The following CHD7 variants were observed in gnomAD, a reference collection of about 807,000 sequenced individuals.
The protein encoded by CHD7 is chromodomain helicase DNA binding protein 7, also known as ATP-dependent chromatin remodeler CHD7.
CHD7 carries 24 observed loss-of-function variants against 307.3 expected under a neutral mutation model. That is an observed-to-expected ratio of 0.08 (90% CI 0.06 to 0.11). The LOEUF is 0.11. Ranked by LOEUF, CHD7 falls within the 10% of genes least tolerant of loss-of-function variation. CHD7 has a pLI of 1.00. For missense variants in CHD7, 3,106 were observed against 3,727.1 expected (o/e 0.83, Z 4.34); for synonymous variants, 1,363 against 1,349.9 (o/e 1.01, Z -0.21).
intron 2 of CHD7, among the ~76,000 whole-genome samples, chr8:60,775,181 T>A (rs1473675841): frequency 6.6e-6 from 1 of 152,164 alleles, no homozygotes; most frequent in African/African-American, 2.4e-5. Flanking sequence ...TTCAGCTAGA[T>A]GTTTCAACAG....
At chr8:60,774,336 C>T in intron 2 of CHD7, among the ~76,000 whole-genome samples, 1 of 152,236 alleles carries the variant, frequency 6.6e-6, no homozygotes, top group Admixed American at 6.5e-5. Flanking sequence ...TAGGGCATTA[C>T]AGGAACTGAA....
rs368302454 is a variant in CHD7, at chr8:60,862,245, G to A, written c.7880G>A (p.Arg2627Gln). 1.2e-6 allele frequency: 2 copies of A among 1,611,728 alleles called. No homozygotes were observed. The highest frequency in any genetic ancestry group is 1.7e-6 in the Non-Finnish European group (2 of 1,178,756). Residue 2627 changes from arginine to glutamine, a missense_variant, in exon 36 of 38, where the codon CGA becomes CAA. This residue lies in a region of CHD7 where 59 missense variants were observed against 106.2 expected (regional missense o/e 0.56). Transcript: ENST00000423902. Reference sequence around the variant, plus strand: ...TCATTTCAGAAACCGAAACAGAAACGACATAGATGTCGAAACCCTAATAAA... The same window carrying A: ...TCATTTCAGAAACCGAAACAGAAACAACATAGATGTCGAAACCCTAATAAA... ...FSSFQKPKQKRHRCRNPNKLD... is the reference protein window; with the variant it reads ...FSSFQKPKQKQHRCRNPNKLD...
intron 15 of CHD7, among the ~76,000 whole-genome samples, chr8:60,831,302 A>G (rs1459596406): frequency 6.6e-6 from 1 of 152,064 alleles, no homozygotes; most frequent in African/African-American, 2.4e-5. Context: ...TTAGAAGGAG[A>G]TGGTCTTTTT....
chr8:60,856,296 A>T (rs1466331150), intron 33 of CHD7, 94 bp downstream of exon 33: 1 of 1,258,418 alleles, frequency 7.9e-7, no homozygotes, highest in East Asian at 2.5e-5. Flanking sequence ...CTTGCTTAGA[A>T]ATAAGATAGC....
chr8:60,704,898 C>T (rs1806945050), intron 1 of CHD7, among the ~76,000 whole-genome samples: 1 of 152,152 alleles, frequency 6.6e-6, no homozygotes, highest in Non-Finnish European at 1.5e-5. Context: ...TTTACACTCA[C>T]TTGCTTCCTC....
intron 2 of CHD7, among the ~76,000 whole-genome samples, chr8:60,780,570 C>T (rs552084906): frequency 5.9e-5 from 9 of 152,326 alleles, no homozygotes; most frequent in African/African-American, 1.9e-4. Flanking sequence ...AGTATACTTG[C>T]TCATTTTAAA....
chr8:60,833,898 C>G (rs1319834216), intron 15 of CHD7, among the ~76,000 whole-genome samples: 1 of 152,214 alleles, frequency 6.6e-6, no homozygotes, highest in East Asian at 1.9e-4. Flanking sequence ...TCAATGTTGC[C>G]ACAATAAAAT....
intron 1 of CHD7, among the ~76,000 whole-genome samples, chr8:60,693,152 A>G (rs919595434): frequency 7.2e-5 from 11 of 152,240 alleles, no homozygotes; most frequent in African/African-American, 2.6e-4. Flanking sequence ...GCCTGTTGGC[A>G]TCTTTGTTCC....
At chr8:60,802,492 G>A (rs190278733) in intron 6 of CHD7, among the ~76,000 whole-genome samples, 16 of 152,154 alleles carry the variant, frequency 1.1e-4, no homozygotes, top group Admixed American at 8.5e-4. Context: ...CTTTCAAGAA[G>A]GATGGAACTA....
chr8:60,732,364 T>G (rs1253208635), intron 1 of CHD7, among the ~76,000 whole-genome samples: 1 of 152,244 alleles, frequency 6.6e-6, no homozygotes, highest in African/African-American at 2.4e-5. Context: ...GCTAGCTGTT[T>G]GCTGCTTTCT....
chr8:60,753,324 C>T (rs1809730518), intron 2 of CHD7, among the ~76,000 whole-genome samples: 1 of 152,186 alleles, frequency 6.6e-6, no homozygotes, highest in Admixed American at 6.5e-5. Context: ...AGTGTCCTGC[C>T]TAACCTGACC....
intron 2 of CHD7, among the ~76,000 whole-genome samples, chr8:60,780,758 G>GA (rs1462798141): frequency 1.2e-4 from 18 of 152,020 alleles, no homozygotes; most frequent in Admixed American, 1.0e-3. Flanking sequence ...TTCCTGAACT[G>GA]ATTTTTTTTT....
intron 23 of CHD7, among the ~76,000 whole-genome samples, chr8:60,845,853 A>G (rs1805188703): frequency 6.6e-6 from 1 of 152,244 alleles, no homozygotes; most frequent in South Asian, 2.1e-4. Flanking sequence ...CTTCCCAAAT[A>G]TAAACACTGT....
chr8:60,821,711 C>T (rs1804049336), intron 9 of CHD7, 79 bp from the exon 10 acceptor site: 5 of 1,196,744 alleles, frequency 4.2e-6, no homozygotes, highest in South Asian at 1.7e-5. Flanking sequence ...TATGTATAAA[C>T]ATATATATAC....
In CHD7 at chr8:60,850,931, A is replaced by G. The variant is rs187600937; in HGVS notation, c.5535-101A>G. ...TGCTTTTGATGTCAAACCCATAATT[A>G]AAAGTAGCACTGGGCAGATTATTAC... On this transcript the variant is annotated intron_variant, in intron 26 of 37. Transcript: ENST00000423902. 508 of 827,024 alleles carry G rather than the reference A, an allele frequency of 6.1e-4. No homozygotes were observed. In the African/African-American group the frequency reaches 8.0e-3, roughly 13 times the overall value. 51.2% of individuals were successfully genotyped at this position (827,024 alleles called of 1,614,324 possible).
chr8:60,836,803 C>T lies in CHD7; in HGVS notation c.3990-14C>T. ...TATGCGTCAGGCCTCCTTGTTCACA[C>T]TGATGTTTTCTAGGTACCCATATGA... On this transcript the variant is annotated splice_polypyrimidine_tract_variant and intron_variant, in intron 16 of 37. Coordinates refer to ENST00000423902, the MANE Select transcript of CHD7 (RefSeq NM_017780.4). 1 of 1,610,788 alleles carries T rather than the reference C, an allele frequency of 6.2e-7. No homozygotes were observed. Among genetic ancestry groups the T allele is most frequent in the Non-Finnish European group, 8.5e-7 (1 of 1,177,608 alleles).
At position 60,852,915 on chromosome 8, in the gene CHD7, A is replaced by G. The variant is rs200321575; in HGVS notation, c.6190A>G (p.Ile2064Val). The change falls in exon 31 of 38, where the codon ATC (isoleucine) becomes GTC (valine). Residue 2064 changes from isoleucine to valine, a missense_variant. Transcript: ENST00000423902. ...TLYRIELLRK[I>V]REQVLHHPQL... The stretch of plus-strand genomic sequence containing the variant: ...GTACCGCATTGAGCTGCTACGGAAG[A>G]TCCGCGAGCAGGTTCTCCATCACCC... 1.9e-6 allele frequency: 3 copies of G among 1,613,992 alleles called. No homozygotes were observed. Among genetic ancestry groups the G allele is most frequent in the African/African-American group, 2.7e-5 (2 of 75,038 alleles).
chr8:60,837,917 T>A lies in CHD7; in HGVS notation c.4353+82T>A, dbSNP rs916100850. On this transcript the variant is annotated intron_variant, in intron 18 of 37. Transcript: ENST00000423902. ...TAATAGTAAGAAATTACTCAGCCTT[T>A]GATTATTTTTCGACCTCAATATTTT... The A allele has an allele frequency of 2.9e-6, 4 of 1,382,166 alleles. No individual in the cohort carries two copies. In the African/African-American group the frequency reaches 5.8e-5, roughly 20 times the overall value. 85.6% of individuals were successfully genotyped at this position (1,382,166 alleles called of 1,614,324 possible).
intron 1 of CHD7, among the ~76,000 whole-genome samples, chr8:60,709,763 A>G (rs545584837): frequency 2.0e-5 from 3 of 152,340 alleles, no homozygotes; most frequent in Non-Finnish European, 4.4e-5. Flanking sequence ...CACTATAACT[A>G]TATGGAAGCA....
Sources: allele counts gnomAD v4.1 joint callset (sites outside exome capture counted in the v4.1 genomes callset), GRCh38; gene constraint gnomAD v4.1.1; regional missense constraint gnomAD v4.1.1; transcripts MANE v1.5; gene names NCBI Gene and HGNC (gene_info 2026-07-23, HGNC 2026-07-21).